Variants in FBN2 observed in about 807,000 individuals in gnomAD.
FBN2 encodes the protein fibrillin 2, also known as fibrillin-2.
A neutral mutation model predicts 355.6 loss-of-function variants in FBN2; 105 were observed. The observed-to-expected ratio is 0.30, with a 90% CI of 0.25 to 0.35. FBN2 has a LOEUF of 0.35. Ranked by LOEUF, FBN2 falls within the 10% of genes least tolerant of loss-of-function variation. The probability of loss-of-function intolerance (pLI) is 1.00; values close to 1 mark genes in which losing one functional copy is unlikely to be tolerated. For synonymous variants in FBN2, 1,350 were observed against 1,301.2 expected (o/e 1.04, Z -0.81); for missense variants, 3,280 against 3,758.7 (o/e 0.87, Z 3.33).
At chr5:128,274,246 G>A (rs965569947) in intron 60 of FBN2, among the ~76,000 whole-genome samples, 1 of 152,126 alleles carries the variant, frequency 6.6e-6, no homozygotes, top group African/African-American at 2.4e-5. Context: ...AGCTCAATAT[G>A]TTTGTTAACA....
intron 7 of FBN2, among the ~76,000 whole-genome samples, chr5:128,410,664 G>T (rs1753038287): frequency 6.6e-6 from 1 of 152,082 alleles, no homozygotes; most frequent in Non-Finnish European, 1.5e-5. Flanking sequence ...AAAAAGAACA[G>T]AAAATTAAAA....
chr5:128,344,130 G>A (rs1370532701), intron 25 of FBN2, among the ~76,000 whole-genome samples: 1 of 152,126 alleles, frequency 6.6e-6, no homozygotes, highest in Non-Finnish European at 1.5e-5. Context: ...GCACACCTGT[G>A]CTCCCAGTTA....
chr5:128,401,809 T>C (rs1561438715), intron 8 of FBN2, among the ~76,000 whole-genome samples: 1 of 151,980 alleles, frequency 6.6e-6, no homozygotes, highest in Non-Finnish European at 1.5e-5. Context: ...TAATAACCAT[T>C]GTTCTACACA....
intron 31 of FBN2, among the ~76,000 whole-genome samples, chr5:128,334,432 C>T (rs115145778): frequency 1.8e-4 from 27 of 152,246 alleles, no homozygotes; most frequent in African/African-American, 6.5e-4. Context: ...ACTGATGCTG[C>T]ATGAACGACC....
At chr5:128,447,069 TCTTTA>T (rs1393121451) in intron 6 of FBN2, among the ~76,000 whole-genome samples, 4 of 152,334 alleles carry the variant, frequency 2.6e-5, no homozygotes, top group East Asian at 1.9e-4. Context: ...CCTATGTCTG[TCTTTA>T]CTTTAATCTC....
chr5:128,412,776 G>C (rs1300631059), intron 7 of FBN2, among the ~76,000 whole-genome samples: 1 of 152,200 alleles, frequency 6.6e-6, no homozygotes, highest in African/African-American at 2.4e-5. Context: ...CTATGAAGGA[G>C]TTTAAACAAA....
intron 5 of FBN2, among the ~76,000 whole-genome samples, chr5:128,505,427 G>A (rs1007545556): frequency 6.6e-6 from 1 of 152,116 alleles, no homozygotes; most frequent in East Asian, 1.9e-4. Flanking sequence ...TTATACAAAA[G>A]GAGAAACAAT....
intron 11 of FBN2, among the ~76,000 whole-genome samples, chr5:128,389,410 A>T (rs1222318704): frequency 2.6e-5 from 4 of 152,176 alleles, no homozygotes; most frequent in Non-Finnish European, 4.4e-5. Flanking sequence ...ACCTGGGAAG[A>T]GCCCCAGATG....
At chr5:128,453,587 A>G (rs1754312275) in intron 6 of FBN2, among the ~76,000 whole-genome samples, 1 of 152,160 alleles carries the variant, frequency 6.6e-6, no homozygotes. Context: ...TTGGGTAGTA[A>G]TTCTTTGAAG....
At chr5:128,430,447 C>T (rs775015885) in intron 7 of FBN2, among the ~76,000 whole-genome samples, 5 of 152,122 alleles carry the variant, frequency 3.3e-5, no homozygotes, top group African/African-American at 4.8e-5. Context: ...ATGTTTAAAG[C>T]ACTTTCTTTC....
At position 128,332,844 on chromosome 5, in the gene FBN2, C is replaced by A. The variant is rs548891106; in HGVS notation, c.4222+68G>T. ...AATAAAAGTGAAGAGCATGATTCTA[C>A]AACCATGCAAAAAAGAGCCTTTAAA... is the stretch of plus-strand genomic sequence containing the variant. On this transcript the variant is annotated intron_variant, in intron 32 of 64. Transcript: ENST00000262464. The A allele has an allele frequency of 2.7e-5, 39 of 1,456,136 alleles. No individual in the cohort carries two copies. In the South Asian group the frequency reaches 3.9e-4, roughly 14 times the overall value. 90.2% of individuals were successfully genotyped at this position (1,456,136 alleles called of 1,614,324 possible). A position where few individuals can be genotyped will look rare whatever the true frequency, so the allele number is the denominator to read the frequency against.
chr5:128,280,389 G>A (rs1006203452), intron 55 of FBN2, 72 bp from the exon 56 acceptor site: 6 of 1,200,502 alleles, frequency 5.0e-6, no homozygotes, highest in Middle Eastern at 1.9e-4. Flanking sequence ...CTTCTAATGG[G>A]TTATATCTTA....
Position 128,318,244 on chromosome 5 carries a change from T to C in FBN2, c.4622A>G (p.Asn1541Ser). 6.2e-7 allele frequency: 1 copy of C among 1,613,958 alleles called. No individual in the cohort carries two copies. Among genetic ancestry groups the C allele is most frequent in the Non-Finnish European group, 8.5e-7 (1 of 1,179,924 alleles). The change falls in exon 36 of 65, where the codon AAC becomes AGC. Residue 1541 changes from asparagine (N) to serine (S), a missense_variant. By Grantham distance (46) the Asn-to-Ser change is conservative (BLOSUM62 1). This residue lies in a region of FBN2 where 2,284 missense variants were observed against 2,749.5 expected (regional missense o/e 0.83). Transcript: ENST00000262464. ...GTTGACACATAGGCCATTGACACAGTTTATAGGATCTGCACACTCATCAAT... is the reference window on the plus strand; with the variant it reads ...GTTGACACATAGGCCATTGACACAGCTTATAGGATCTGCACACTCATCAAT... ...TDIDECADPINCVNGLCVNTP... is the reference protein window; with the variant it reads ...TDIDECADPISCVNGLCVNTP...
At chr5:128,305,677 TA>T in intron 43 of FBN2, 41 bp from the exon 44 acceptor site, 1 of 1,610,492 alleles carries the variant, frequency 6.2e-7, no homozygotes, top group Non-Finnish European at 8.5e-7. Context: ...TCCTTTTTAG[TA>T]TTGTATTAGC....
chr5:128,494,435 T>G lies in FBN2; in HGVS notation c.628+24838A>C, dbSNP rs116952930. ...TAGAGAAAGAGACAGCTAAGAAGTC[T>G]TTTTGGAGTCAGAGGCTCAAAGGCT... On this transcript the variant is annotated intron_variant, in intron 5 of 64. Coordinates refer to ENST00000262464, the MANE Select transcript of FBN2 (RefSeq NM_001999.4). Among the ~76,000 whole-genome samples, 1,116 of 152,212 alleles carry G rather than the reference T, an allele frequency of 7.3e-3. 12 individuals are homozygous for G. The highest frequency in any genetic ancestry group is 0.05 in the East Asian group (257 of 5,178).
rs531390537 is a variant in FBN2, at chr5:128,337,083, C to T, written c.3598+914G>A. On this transcript the variant is annotated intron_variant, in intron 27 of 64. Transcript: ENST00000262464. ...AACTTAGATCTGTGACTCATTATAC[C>T]TCAATATGTTCAACCATGAATAAAT... 4.6e-5 allele frequency among the ~76,000 whole-genome samples: 7 copies of T among 152,194 alleles called. No homozygotes were observed. In the East Asian group the frequency reaches 1.2e-3, roughly 25 times the overall value.
At chr5:128,382,639 C>T (rs1752262086) in intron 11 of FBN2, among the ~76,000 whole-genome samples, 1 of 152,064 alleles carries the variant, frequency 6.6e-6, no homozygotes, top group Non-Finnish European at 1.5e-5. Flanking sequence ...CCAATCTGCA[C>T]CTTCTTATAC....
At position 128,349,461 on chromosome 5, in the gene FBN2, A is replaced by G; in HGVS notation, c.2875T>C (p.Cys959Arg). ...KGVTCEDVNECEVFPGVCPNG... is the reference protein window; with the variant it reads ...KGVTCEDVNEREVFPGVCPNG... ...GGACAAACGCCAGGGAACACCTCAC[A>G]CTCATTAACATCTGCAGGGAAATGC... Residue 959 changes from cysteine (C) to arginine (R), a missense_variant, in exon 23 of 65, where the codon TGT becomes CGT. Cys to Arg is a radical substitution (Grantham distance 180). Transcript: ENST00000262464. 1 of 1,613,924 alleles carries G rather than the reference A, an allele frequency of 6.2e-7. No individual in the cohort carries two copies. The highest frequency in any genetic ancestry group is 8.5e-7 in the Non-Finnish European group (1 of 1,179,902).
At chr5:128,505,667 A>G (rs974273232) in intron 5 of FBN2, among the ~76,000 whole-genome samples, 3 of 152,154 alleles carry the variant, frequency 2.0e-5, no homozygotes, top group Non-Finnish European at 4.4e-5. Context: ...CTACTCTGCA[A>G]GTCGTCATAG....
Sources: gnomAD v4.1 joint callset for allele counts (sites outside exome capture counted in the v4.1 genomes callset) on GRCh38, gnomAD v4.1.1 for gene constraint, gnomAD v4.1.1 regional missense constraint, MANE v1.5 for transcripts, NCBI Gene and HGNC (gene_info 2026-07-23, HGNC 2026-07-21) for gene names.